Variants in CYBA observed in about 807,000 individuals in gnomAD.
CYBA encodes the protein cytochrome b-245 alpha chain, also known as cytochrome b-245 light chain.
Under a neutral mutation model 20.8 loss-of-function variants are expected in CYBA, and 21 were observed. The observed-to-expected ratio is 1.01, with a 90% CI of 0.72 to 1.46. CYBA has a LOEUF of 1.46. Ranked by LOEUF, CYBA falls within the 40% of genes most tolerant of loss-of-function variation. The probability of loss-of-function intolerance (pLI) is 0.00; values close to 1 mark genes in which losing one functional copy is unlikely to be tolerated. For synonymous variants in CYBA, 164 were observed against 127.5 expected (o/e 1.29, Z -1.93); for missense variants, 344 against 287.0 (o/e 1.20, Z -1.43).
Position 88,649,662 on chromosome 16 carries a change from G to T in CYBA, c.58+1294C>A, listed in dbSNP as rs537295229. On this transcript the variant is annotated intron_variant, in intron 1 of 5. Coordinates refer to ENST00000261623, the MANE Select transcript of CYBA (RefSeq NM_000101.4). ...TGAGGCTCTGCAGAAGCAGCAGCTTGTGCCGAGGCCCTGGGGCACGCTCAG... is the reference window on the plus strand; with the variant it reads ...TGAGGCTCTGCAGAAGCAGCAGCTTTTGCCGAGGCCCTGGGGCACGCTCAG... Among the ~76,000 whole-genome samples the T allele has an allele frequency of 3.3e-5, 5 of 152,368 alleles. No individual in the cohort carries two copies. In the East Asian group the frequency reaches 9.6e-4, roughly 29 times the overall value.
chr16:88,647,835 T>G (rs1907344454), intron 2 of CYBA: 2 of 631,972 alleles, frequency 3.2e-6, no homozygotes, highest in South Asian at 1.8e-5. Flanking sequence ...TCACCAGGAC[T>G]TAGACTGGCG....
intron 5 of CYBA, chr16:88,645,367 A>G: frequency 1.4e-6 from 1 of 702,460 alleles, no homozygotes; most frequent in Non-Finnish European, 2.6e-6. Flanking sequence ...TCCCACGCAC[A>G]CACACTAGAA....
At chr16:88,646,287 C>T (rs2142874191) in intron 4 of CYBA, 90 bp from the exon 5 acceptor site, 2 of 369,770 alleles carry the variant, frequency 5.4e-6, no homozygotes, top group Non-Finnish European at 7.3e-6. Flanking sequence ...GCCACAAAGT[C>T]TCAGGACAAG....
At chr16:88,646,569 T>C in intron 4 of CYBA, 186 bp downstream of exon 4, 1 of 710,014 alleles carries the variant, frequency 1.4e-6, no homozygotes. Context: ...AGTGGATCCT[T>C]ACAAATCCTG....
intron 1 of CYBA, among the ~76,000 whole-genome samples, chr16:88,648,530 C>T (rs1379147732): frequency 3.9e-5 from 6 of 152,134 alleles, no homozygotes; most frequent in East Asian, 1.9e-4. Context: ...CCTCTTAACC[C>T]GTCAGCGGTT....
At chr16:88,645,115 T>G in intron 5 of CYBA, 2 of 695,148 alleles carry the variant, frequency 2.9e-6, no homozygotes, top group East Asian at 5.4e-5. Context: ...GACCCAGCAA[T>G]TCCTCTCTGG....
Position 88,646,130 on chromosome 16 carries a change from C to T in CYBA, c.355G>A (p.Gly119Ser), listed in dbSNP as rs1338295833. 55 of 1,555,344 alleles carry T rather than the reference C, an allele frequency of 3.5e-5. 1 individual carries two copies. Among genetic ancestry groups the T allele is most frequent in the South Asian group, 9.5e-5 (8 of 84,442 alleles). Reference protein sequence around the residue: ...LGTACLAIASGIYLLAAVRGE... With the variant: ...LGTACLAIASSIYLLAAVRGE... ...GCGCCACTCACCAGTAGGTAGATGC[C>T]GCTCGCAATGGCCAGGCAGGCGGTC... Residue 119 changes from glycine (G) to serine (S), a missense_variant, in exon 5 of 6, where the codon GGC (glycine) becomes AGC (serine). Transcript: ENST00000261623.
At chr16:88,645,432 A>G in intron 5 of CYBA, 4 of 702,194 alleles carry the variant, frequency 5.7e-6, no homozygotes, top group Non-Finnish European at 1.0e-5. Flanking sequence ...ACTTGGCTCT[A>G]TGGACAAAAG....
intron 2 of CYBA, 66 bp from the exon 3 acceptor site, chr16:88,647,241 G>A: frequency 1.3e-6 from 2 of 1,496,640 alleles, no homozygotes; most frequent in African/African-American, 1.4e-5. Flanking sequence ...TCCCTTTACT[G>A]AAGACAACAC....
intron 3 of CYBA, 22 bp from the exon 4 acceptor site, chr16:88,646,860 G>A: frequency 6.3e-7 from 1 of 1,597,828 alleles, no homozygotes; most frequent in Non-Finnish European, 8.6e-7. Flanking sequence ...AGGAAGGCGA[G>A]ACGGCGCGGC....
intron 5 of CYBA, chr16:88,645,700 G>A (rs1027783696): frequency 4.8e-5 from 27 of 556,832 alleles, no homozygotes; most frequent in Middle Eastern, 4.7e-4. Context: ...AAATGTCTGC[G>A]TCCTGGCACC....
chr16:88,649,345 G>A (rs1907421530), intron 1 of CYBA, among the ~76,000 whole-genome samples: 1 of 152,210 alleles, frequency 6.6e-6, no homozygotes, highest in Non-Finnish European at 1.5e-5. Context: ...TCGGAGGAGG[G>A]GAGGGCAGTG....
chr16:88,650,555 G>T, intron 1 of CYBA: 1 of 492,452 alleles, frequency 2.0e-6, no homozygotes, highest in Non-Finnish European at 4.0e-6. Flanking sequence ...AGGCCAGCTG[G>T]CTACCGAGGG....
chr16:88,649,880 C>T (rs561941085), intron 1 of CYBA, among the ~76,000 whole-genome samples: 34 of 152,204 alleles, frequency 2.2e-4, no homozygotes, highest in Non-Finnish European at 4.3e-4. Flanking sequence ...AGTCCGTCTA[C>T]TTCCTGTAGG....
rs577958539 is a variant in CYBA, at chr16:88,649,137, C to T, written c.59-1023G>A. Among the ~76,000 whole-genome samples, 36 of 151,882 alleles carry T rather than the reference C, an allele frequency of 2.4e-4. No individual in the cohort carries two copies. In the South Asian group the frequency reaches 6.0e-3, roughly 25 times the overall value. On this transcript the variant is annotated intron_variant, in intron 1 of 5. Coordinates refer to ENST00000261623, the MANE Select transcript of CYBA (RefSeq NM_000101.4). ...TATTTTTAGTAGAGACGGGGTTTCA[C>T]TGTGTTAGCCAGGATGGTCTCGATC...
chr16:88,649,144 A>C (rs144556387), intron 1 of CYBA, among the ~76,000 whole-genome samples: 1 of 149,244 alleles, frequency 6.7e-6, no homozygotes, highest in African/African-American at 2.5e-5. Context: ...TCACTGTGTT[A>C]GCCAGGATGG....
chr16:88,643,559 C>A lies in CYBA; in HGVS notation c.382G>T (p.Gly128Cys). 6.5e-7 allele frequency: 1 copy of A among 1,533,472 alleles called. No individual in the cohort carries two copies. Among genetic ancestry groups the A allele is most frequent in the Non-Finnish European group, 8.7e-7 (1 of 1,145,976 alleles). The allele number at this position is 1,533,472 out of a possible 1,614,324, so 95.0% of individuals were successfully genotyped here. A position where few individuals can be genotyped will look rare whatever the true frequency, so the allele number is the denominator to read the frequency against. ...SGIYLLAAVRGEQWTPIEPKP... is the reference protein window; with the variant it reads ...SGIYLLAAVRCEQWTPIEPKP... ...GGCTCGATGGGCGTCCACTGCTCGC[C>A]ACGCACAGCCGCCTGCGGGGCACTG... The change falls in exon 6 of 6, where the codon GGC becomes TGC. Residue 128 changes from glycine to cysteine, a missense_variant. Transcript: ENST00000261623. The surrounding 1 kb of genome is among the most constrained non-coding windows in gnomAD (Gnocchi z 4.3).
At chr16:88,644,047 G>A (rs1346936944) in intron 5 of CYBA, among the ~76,000 whole-genome samples, 1 of 152,224 alleles carries the variant, frequency 6.6e-6, no homozygotes, top group Admixed American at 6.5e-5. Flanking sequence ...GGTGGGGGGA[G>A]AGCTTGAAGA....
chr16:88,645,742 G>A (rs1044057173), intron 5 of CYBA: 1 of 533,940 alleles, frequency 1.9e-6, no homozygotes, highest in African/African-American at 1.9e-5. Flanking sequence ...GGGTTTAGGT[G>A]AGAAAAGCCT....
Sources: gnomAD v4.1 joint callset for allele counts (sites outside exome capture counted in the v4.1 genomes callset) on GRCh38, gnomAD v4.1.1 for gene constraint, Gnocchi (gnomAD v3.1) non-coding constraint, MANE v1.5 for transcripts, NCBI Gene and HGNC (gene_info 2026-07-23, HGNC 2026-07-21) for gene names.